The following LRRC18 variants were observed in gnomAD, a reference collection of about 807,000 sequenced individuals.
The protein encoded by LRRC18 is leucine rich repeat containing 18.
A neutral mutation model predicts 11.2 loss-of-function variants in LRRC18; 12 were observed. The ratio of observed to expected loss-of-function variants is 1.07; its 90% CI spans 0.69 to 1.74. LRRC18 has a LOEUF of 1.74. Ranked by LOEUF, LRRC18 falls within the 40% of genes most tolerant of loss-of-function variation. LRRC18 has a pLI of 0.00. For missense variants in LRRC18, 374 were observed against 330.5 expected (o/e 1.13, Z -1.02); for synonymous variants, 155 against 130.6 (o/e 1.19, Z -1.27).
At chr10:48,911,604 A>G (rs1193928327) in intron 1 of LRRC18, among the ~76,000 whole-genome samples, 1 of 152,232 alleles carries the variant, frequency 6.6e-6, no homozygotes, top group African/African-American at 2.4e-5. Context: ...TATTAATACC[A>G]GGTAACAGCA....
chr10:48,938,171 G>A, the LRRC18 span, among the ~76,000 whole-genome samples: 1 of 152,212 alleles, frequency 6.6e-6, no homozygotes, highest in Admixed American at 6.5e-5. Context: ...ATTTTACCAT[G>A]TCCTCAAAAC....
the LRRC18 span, among the ~76,000 whole-genome samples, chr10:48,927,325 TC>T: frequency 6.6e-6 from 1 of 152,178 alleles, no homozygotes; most frequent in Non-Finnish European, 1.5e-5. Flanking sequence ...ATTTCAGTCA[TC>T]CGCAACACTC....
At chr10:48,913,312 G>A in intron 1 of LRRC18, 80 bp downstream of exon 3, 1 of 1,366,386 alleles carries the variant, frequency 7.3e-7, no homozygotes, top group Non-Finnish European at 1.0e-6. Context: ...GGGAGCCCTT[G>A]GTTTCCTGTG....
chr10:48,918,383 A>G (rs573273664), upstream of LRRC18, among the ~76,000 whole-genome samples: 2 of 152,216 alleles, frequency 1.3e-5, no homozygotes, highest in Non-Finnish European at 2.9e-5. Context: ...AAAAGAATGT[A>G]AAAAGACATA....
At chr10:48,922,556 A>G in the LRRC18 span, among the ~76,000 whole-genome samples, 1 of 152,212 alleles carries the variant, frequency 6.6e-6, no homozygotes, top group Non-Finnish European at 1.5e-5. Flanking sequence ...ATTGTTGTTC[A>G]TCTCTTACGG....
chr10:48,921,203 G>A, the LRRC18 span, among the ~76,000 whole-genome samples: 1 of 152,112 alleles, frequency 6.6e-6, no homozygotes, highest in Non-Finnish European at 1.5e-5. Flanking sequence ...AGGATTATGT[G>A]TCCCAATTTT....
At chr10:48,917,077 G>C (rs1838618495), upstream of LRRC18, among the ~76,000 whole-genome samples, 1 of 152,112 alleles carries the variant, frequency 6.6e-6, no homozygotes, top group South Asian at 2.1e-4. Flanking sequence ...ACAGTAACAT[G>C]CTGTACAGGT....
At chr10:48,918,920 C>T (rs1019369797), upstream of LRRC18, among the ~76,000 whole-genome samples, 2 of 152,130 alleles carry the variant, frequency 1.3e-5, no homozygotes, top group African/African-American at 4.8e-5. Flanking sequence ...AGCAAAATTG[C>T]CTGGAGATGA....
the LRRC18 span, among the ~76,000 whole-genome samples, chr10:48,920,141 TAATTGATGCAGAAAAG>T: frequency 1.3e-5 from 2 of 152,028 alleles, no homozygotes; most frequent in African/African-American, 4.8e-5. Flanking sequence ...AAAGATCTTA[TAATTGATGCAGAAAAG>T]ACATTTGACA....
chr10:48,928,667 A>G, the LRRC18 span, among the ~76,000 whole-genome samples: 4 of 152,112 alleles, frequency 2.6e-5, no homozygotes, highest in African/African-American at 9.7e-5. Context: ...TCTGCACTTC[A>G]CACCCTCTAG....
the LRRC18 span, among the ~76,000 whole-genome samples, chr10:48,938,191 A>C: frequency 1.3e-5 from 2 of 152,390 alleles, no homozygotes; most frequent in East Asian, 3.9e-4. Flanking sequence ...CTGTTTTTGC[A>C]AATAGGCAAC....
At chr10:48,915,461 C>A (rs1838432843), upstream of LRRC18, among the ~76,000 whole-genome samples, 1 of 151,788 alleles carries the variant, frequency 6.6e-6, no homozygotes, top group Non-Finnish European at 1.5e-5. Flanking sequence ...CAGAAGTATG[C>A]CCTTGGGAGA....
At chr10:48,924,458 G>C in the LRRC18 span, among the ~76,000 whole-genome samples, 1 of 152,156 alleles carries the variant, frequency 6.6e-6, no homozygotes, top group Non-Finnish European at 1.5e-5. Context: ...ATAGTTATAG[G>C]GAGAAAGATG....
At chr10:48,909,992 T>G (rs1837854678) in exon 2 of LRRC18, 1 of 529,342 alleles carries the variant, frequency 1.9e-6, no homozygotes, top group African/African-American at 1.9e-5. Context: ...TCTTAAATTT[T>G]TTTCTATATA....
intron 1 of LRRC18, among the ~76,000 whole-genome samples, chr10:48,910,722 T>C (rs1040796793): frequency 8.5e-5 from 13 of 152,122 alleles, no homozygotes; most frequent in Admixed American, 2.0e-4. Context: ...CTGAGATGTG[T>C]GATAAGAGGC....
the LRRC18 span, among the ~76,000 whole-genome samples, chr10:48,926,448 C>G: frequency 6.6e-6 from 1 of 152,190 alleles, no homozygotes; most frequent in Non-Finnish European, 1.5e-5. Context: ...TGCACTCTGG[C>G]TGAAGCAGCC....
At chr10:48,939,044 T>C in the LRRC18 span, among the ~76,000 whole-genome samples, 2 of 152,300 alleles carry the variant, frequency 1.3e-5, no homozygotes, top group African/African-American at 4.8e-5. Context: ...GTCTTGTAGC[T>C]CAATGCAGGC....
the LRRC18 span, among the ~76,000 whole-genome samples, chr10:48,930,393 T>C: frequency 6.6e-6 from 1 of 152,182 alleles, no homozygotes; most frequent in African/African-American, 2.4e-5. Context: ...GCTTTCCAAA[T>C]AGACACAGAT....
chr10:48,921,866 T>C, the LRRC18 span, among the ~76,000 whole-genome samples: 1 of 152,214 alleles, frequency 6.6e-6, no homozygotes, highest in African/African-American at 2.4e-5. Flanking sequence ...TCCTTGCTGA[T>C]GGGAATGCAA....
Sources: gnomAD v4.1 joint callset for allele counts (sites outside exome capture counted in the v4.1 genomes callset) on GRCh38, gnomAD v4.1.1 for gene constraint, MANE v1.5 for transcripts, NCBI Gene and HGNC (gene_info 2026-07-23, HGNC 2026-07-21) for gene names.